The following CTNNA2 variants were observed in gnomAD, a reference collection of about 807,000 sequenced individuals.
The protein encoded by CTNNA2 is catenin alpha-2.
Under a neutral mutation model 101.0 loss-of-function variants are expected in CTNNA2, and 42 were observed. The ratio of observed to expected loss-of-function variants is 0.42; its 90% CI spans 0.32 to 0.54. The LOEUF is 0.54. Ranked by LOEUF, CTNNA2 falls within the 20% of genes least tolerant of loss-of-function variation. The pLI, the probability that CTNNA2 is intolerant of heterozygous loss-of-function variation, is 0.14. For missense variants in CTNNA2, 871 were observed against 1,223.1 expected (o/e 0.71, Z 4.29); for synonymous variants, 450 against 456.4 (o/e 0.99, Z 0.18).
At chr2:79,285,151 T>C (rs556035877) in intron 2 of CTNNA2, among the ~76,000 whole-genome samples, 1 of 152,182 alleles carries the variant, frequency 6.6e-6, no homozygotes, top group South Asian at 2.1e-4. Flanking sequence ...TCTTTTTTTC[T>C]TTATTAGTCT....
chr2:79,263,893 A>T (rs1198106915), intron 2 of CTNNA2, among the ~76,000 whole-genome samples: 1 of 152,194 alleles, frequency 6.6e-6, no homozygotes, highest in Non-Finnish European at 1.5e-5. Flanking sequence ...GTGGTATTCT[A>T]TTATAGAAAC....
At chr2:80,535,120 A>G (rs1690894716) in intron 9 of CTNNA2, among the ~76,000 whole-genome samples, 1 of 152,228 alleles carries the variant, frequency 6.6e-6, no homozygotes, top group Admixed American at 6.5e-5. Flanking sequence ...TACGCAAGTG[A>G]TCACATAGAG....
At chr2:80,539,061 C>T (rs1691298963) in intron 9 of CTNNA2, among the ~76,000 whole-genome samples, 1 of 152,040 alleles carries the variant, frequency 6.6e-6, no homozygotes, top group South Asian at 2.1e-4. Context: ...CTCTGTTGCC[C>T]AGACCAGAGT....
intron 9 of CTNNA2, among the ~76,000 whole-genome samples, chr2:80,524,228 CA>C (rs1458405135): frequency 6.6e-6 from 1 of 152,170 alleles, no homozygotes; most frequent in Non-Finnish European, 1.5e-5. Context: ...ACTTCACCTC[CA>C]AGTGTTCTCA....
At chr2:79,382,141 G>A (rs376628529) in intron 4 of CTNNA2, among the ~76,000 whole-genome samples, 3 of 151,864 alleles carry the variant, frequency 2.0e-5, no homozygotes, top group Non-Finnish European at 4.4e-5. Flanking sequence ...GGTAAATTCT[G>A]TCTATCTGCT....
chr2:80,445,974 G>A (rs1015761986), intron 9 of CTNNA2, among the ~76,000 whole-genome samples: 3 of 152,110 alleles, frequency 2.0e-5, no homozygotes, highest in Admixed American at 2.0e-4. Context: ...TGTAAAATGG[G>A]GAGTATTGTC....
intron 1 of CTNNA2, among the ~76,000 whole-genome samples, chr2:79,555,395 A>T (rs553403366): frequency 6.6e-6 from 1 of 152,222 alleles, no homozygotes; most frequent in Non-Finnish European, 1.5e-5. Flanking sequence ...AAGGAATAAG[A>T]CAGTTTTACT....
intron 18 of CTNNA2, among the ~76,000 whole-genome samples, chr2:80,636,715 TGCTTCCCAAATTACATGTTTAAACATCA>T (rs1209308950): frequency 3.9e-5 from 6 of 152,182 alleles, no homozygotes; most frequent in African/African-American, 1.4e-4. Context: ...TTTATTTTGA[TGCTTCCCAAATTACATGTTTAAACATCA>T]GCTTCCCAGG....
intron 4 of CTNNA2, among the ~76,000 whole-genome samples, chr2:79,448,905 T>C (rs1292726126): frequency 6.6e-6 from 1 of 152,044 alleles, no homozygotes; most frequent in Non-Finnish European, 1.5e-5. Flanking sequence ...TCAGAGTTTA[T>C]GTGCATGAAC....
intron 3 of CTNNA2, among the ~76,000 whole-genome samples, chr2:79,774,012 A>G (rs1325262984): frequency 6.6e-6 from 1 of 152,110 alleles, no homozygotes; most frequent in East Asian, 1.9e-4. Flanking sequence ...ATCTTTTGCA[A>G]TGTGGCTTTG....
chr2:79,419,694 T>C (rs1446821482), intron 4 of CTNNA2, among the ~76,000 whole-genome samples: 2 of 152,150 alleles, frequency 1.3e-5, no homozygotes, highest in African/African-American at 4.8e-5. Context: ...CTTTGCCTCT[T>C]TAACAGACAA....
intron 2 of CTNNA2, among the ~76,000 whole-genome samples, chr2:79,234,863 A>G (rs1483724316): frequency 1.3e-5 from 2 of 151,948 alleles, no homozygotes; most frequent in Non-Finnish European, 2.9e-5. Context: ...CTTGAAGTAA[A>G]TTTTTCAGCT....
intron 15 of CTNNA2, among the ~76,000 whole-genome samples, chr2:80,591,841 C>A (rs1052036379): frequency 1.3e-5 from 2 of 152,048 alleles, no homozygotes; most frequent in African/African-American, 4.8e-5. Context: ...TGGGAGGGTT[C>A]TGCCTCATTA....
At chr2:80,292,054 C>A (rs1573614027) in intron 7 of CTNNA2, among the ~76,000 whole-genome samples, 2 of 152,308 alleles carry the variant, frequency 1.3e-5, no homozygotes, top group Admixed American at 1.3e-4. Flanking sequence ...TTTTGAGTCT[C>A]ATCCTATCAC....
At chr2:79,243,668 T>C (rs1198604705) in intron 2 of CTNNA2, among the ~76,000 whole-genome samples, 1 of 152,142 alleles carries the variant, frequency 6.6e-6, no homozygotes, top group Non-Finnish European at 1.5e-5. Flanking sequence ...GAAGGAGAAG[T>C]GCAGAGCACT....
intron 15 of CTNNA2, among the ~76,000 whole-genome samples, chr2:80,596,548 G>A (rs993640111): frequency 1.7e-4 from 26 of 151,606 alleles, no homozygotes; most frequent in Non-Finnish European, 3.1e-4. Context: ...TCCTGACCTC[G>A]TGATCTGCCC....
chr2:79,436,024 G>A (rs138549610), intron 4 of CTNNA2, among the ~76,000 whole-genome samples: 7 of 152,054 alleles, frequency 4.6e-5, no homozygotes, highest in African/African-American at 9.6e-5. Flanking sequence ...AAAACCACAC[G>A]GGTTCCTGAC....
chr2:79,514,111 C>A (rs1357516538), intron 1 of CTNNA2, among the ~76,000 whole-genome samples: 1 of 152,192 alleles, frequency 6.6e-6, no homozygotes, highest in Non-Finnish European at 1.5e-5. Flanking sequence ...ACTTTAATGC[C>A]TGTGCACCAC....
intron 9 of CTNNA2, among the ~76,000 whole-genome samples, chr2:80,513,477 C>T (rs141181594): frequency 0.01 from 1,578 of 152,270 alleles, 30 homozygotes; most frequent in African/African-American, 0.036. Context: ...GTTTTAGGTA[C>T]GGTTTTCTTC....
Sources: allele counts gnomAD v4.1 joint callset (sites outside exome capture counted in the v4.1 genomes callset), GRCh38; gene constraint gnomAD v4.1.1; transcripts MANE v1.5; gene names NCBI Gene and HGNC (gene_info 2026-07-23, HGNC 2026-07-21).